CLEC4A: variants seen among roughly 807,000 people sequenced by gnomAD.
CLEC4A encodes C-type lectin domain family 4 member A.
CLEC4A carries 27 observed loss-of-function variants against 32.7 expected under a neutral mutation model. The ratio of observed to expected loss-of-function variants is 0.83; its 90% confidence interval spans 0.61 to 1.14. The LOEUF (loss-of-function observed/expected upper bound fraction) is 1.14. Among genes scored for constraint, CLEC4A ranks in the 50% most tolerant of loss-of-function variants. The pLI, the probability that CLEC4A is intolerant of heterozygous loss-of-function variation, is 0.00. For synonymous variants in CLEC4A, 89 were observed against 93.7 expected (o/e 0.95, Z 0.29); for missense variants, 253 against 274.6 (o/e 0.92, Z 0.55).
At chr12:8,124,011 GA>G (rs774082428) in intron 1 of CLEC4A, 51 bp downstream of exon 1, 1 of 1,222,826 alleles carries the variant, frequency 8.2e-7, no homozygotes, top group Non-Finnish European at 1.2e-6. Flanking sequence ...GAAGGATGAG[GA>G]GAGGGTTTAT....
At chr12:8,109,700 G>T in the CLEC4A span, among the ~76,000 whole-genome samples, 8 of 152,152 alleles carry the variant, frequency 5.3e-5, no homozygotes, top group Non-Finnish European at 1.2e-4. Context: ...TGGGGTGACA[G>T]AGTGAGACAC....
chr12:8,136,466 G>A (rs1231304542), intron 4 of CLEC4A, among the ~76,000 whole-genome samples: 1 of 151,312 alleles, frequency 6.6e-6, no homozygotes, highest in Non-Finnish European at 1.5e-5. Context: ...TGGGGAGGCT[G>A]AGGCATGAGA....
the CLEC4A span, among the ~76,000 whole-genome samples, chr12:8,114,435 G>C: frequency 5.9e-5 from 9 of 151,956 alleles, no homozygotes; most frequent in East Asian, 1.9e-4. Context: ...TAGTAGAGAC[G>C]GGGTTTCACC....
the CLEC4A span, among the ~76,000 whole-genome samples, chr12:8,110,190 T>G: frequency 1.1e-4 from 16 of 152,236 alleles, no homozygotes; most frequent in South Asian, 2.7e-3. Context: ...CACTCAATCT[T>G]CACACAAACC....
intron 2 of CLEC4A, among the ~76,000 whole-genome samples, chr12:8,128,769 A>C (rs753343629): frequency 1.3e-5 from 2 of 152,292 alleles, no homozygotes; most frequent in South Asian, 4.1e-4. Flanking sequence ...TGGTGTGCTG[A>C]GGAGTAAGAG....
chr12:8,113,504 T>C, the CLEC4A span, among the ~76,000 whole-genome samples: 2 of 152,208 alleles, frequency 1.3e-5, no homozygotes, highest in East Asian at 3.8e-4. Context: ...AAATTAGCAA[T>C]GTACTTGAAG....
Position 8,123,699 on chromosome 12 carries a change from T to C in CLEC4A, c.-180T>C. Reference sequence around the variant, plus strand: ...GAACTGCGGTTTTTAGTTTTTATTGTGGTTCTTAGTTCTCATGAGACCCCT... The same window carrying C: ...GAACTGCGGTTTTTAGTTTTTATTGCGGTTCTTAGTTCTCATGAGACCCCT... On this transcript the variant is annotated 5_prime_UTR_variant, in exon 1 of 6. Coordinates refer to ENST00000229332, the MANE Select transcript of CLEC4A (RefSeq NM_016184.4). 2 of 558,684 alleles carry C rather than the reference T, an allele frequency of 3.6e-6. No homozygotes were observed. Among genetic ancestry groups the C allele is most frequent in the South Asian group, 4.5e-5 (2 of 44,074 alleles). 34.6% of individuals were successfully genotyped at this position (558,684 alleles called of 1,614,324 possible).
intron 2 of CLEC4A, among the ~76,000 whole-genome samples, chr12:8,127,317 C>T (rs1947917725): frequency 6.6e-6 from 1 of 152,196 alleles, no homozygotes. Flanking sequence ...TAAGCAAGGC[C>T]TTTTGAAATC....
chr12:8,120,541 A>G (rs74591280), upstream of CLEC4A, among the ~76,000 whole-genome samples: 2,021 of 152,340 alleles, frequency 0.013, 47 homozygotes, highest in African/African-American at 0.047. Context: ...GTGAAGGCAC[A>G]CTGTCAGCCT....
chr12:8,134,008 G>GAT, intron 3 of CLEC4A: 1 of 1,605,738 alleles, frequency 6.2e-7, no homozygotes, highest in African/African-American at 1.3e-5. Flanking sequence ...TGCCCTTCTG[G>GAT]CGCCGGTTAC....
chr12:8,111,340 C>T, the CLEC4A span, among the ~76,000 whole-genome samples: 47 of 151,890 alleles, frequency 3.1e-4, no homozygotes, highest in African/African-American at 7.2e-4. Flanking sequence ...CCACCACCTC[C>T]GGCTAATTTT....
intron 3 of CLEC4A, among the ~76,000 whole-genome samples, chr12:8,130,216 T>A (rs1433050661): frequency 2.0e-5 from 3 of 152,250 alleles, no homozygotes; most frequent in Non-Finnish European, 2.9e-5. Flanking sequence ...AAGGTTACAT[T>A]GCTTTTAGAC....
At chr12:8,134,641 C>A (rs759067939) in intron 3 of CLEC4A, 44 of 1,606,634 alleles carry the variant, frequency 2.7e-5, no homozygotes, top group African/African-American at 4.0e-5. Context: ...GCCATCCCCC[C>A]GCAGAACTCA....
In CLEC4A at chr12:8,135,180, C is replaced by A. The variant is rs1392722974; in HGVS notation, c.299-405C>A. On this transcript the variant is annotated intron_variant, in intron 3 of 5. Coordinates refer to ENST00000229332, the MANE Select transcript of CLEC4A (RefSeq NM_016184.4). Reference sequence around the variant, plus strand: ...GGATTACAGATGTGAGCCACCGTGCCCGGCCCCATTTTTGTTGTCTTGATT... The same window carrying A: ...GGATTACAGATGTGAGCCACCGTGCACGGCCCCATTTTTGTTGTCTTGATT... Among the ~76,000 whole-genome samples, 15 of 145,434 alleles carry A rather than the reference C, an allele frequency of 1.0e-4. No homozygotes were observed. The Admixed American group carries it at 1.1e-3, about 10-fold the overall frequency.
chr12:8,138,395 G>T lies in CLEC4A; in HGVS notation c.*108G>T. The T allele has an allele frequency of 7.7e-7, 1 of 1,294,394 alleles. No homozygotes were observed. The highest frequency in any genetic ancestry group is 1.1e-6 in the Non-Finnish European group (1 of 925,332). 80.2% of individuals were successfully genotyped at this position (1,294,394 alleles called of 1,614,324 possible). ...AAGGGAGGTCCATAGAATTTAGGTG[G>T]TCTGTCAACTATTCTACTTATGAGA... On this transcript the variant is annotated 3_prime_UTR_variant, in exon 6 of 6. Coordinates refer to ENST00000229332, the MANE Select transcript of CLEC4A (RefSeq NM_016184.4).
rs1282311135 is a variant in CLEC4A, at chr12:8,125,681, A to T, written c.199+4A>T. On this transcript the variant is annotated splice_donor_region_variant and intron_variant, in intron 2 of 5. Transcript: ENST00000229332. ...TCATTCTTTATTGCTTTTGTCAGTA[A>T]GTATGCCAACTGAACCAATAAGCAA... The T allele has an allele frequency of 6.5e-7, 1 of 1,536,156 alleles. No individual in the cohort carries two copies. Among genetic ancestry groups the T allele is most frequent in the Non-Finnish European group, 9.0e-7 (1 of 1,109,126 alleles).
intron 3 of CLEC4A, among the ~76,000 whole-genome samples, chr12:8,132,319 C>G (rs186728717): frequency 7.2e-5 from 11 of 152,090 alleles, no homozygotes; most frequent in Non-Finnish European, 1.3e-4. Context: ...GAATAGTGTC[C>G]TATGAAATTT....
chr12:8,132,233 G>A (rs979787803), intron 3 of CLEC4A, among the ~76,000 whole-genome samples: 3 of 152,278 alleles, frequency 2.0e-5, no homozygotes, highest in Non-Finnish European at 4.4e-5. Context: ...AAATGCTTGA[G>A]ACTCACATTG....
At chr12:8,134,986 G>GTTTGTTTTTTTTTTT (rs1555080238) in intron 3 of CLEC4A, 8 of 138,856 alleles carry the variant, frequency 5.8e-5, no homozygotes, top group Admixed American at 2.4e-4. Flanking sequence ...TTTGTTTTTT[G>GTTTGTTTTTTTTTTT]TTTTTTTTTA....
Sources: allele counts gnomAD v4.1 joint callset (sites outside exome capture counted in the v4.1 genomes callset), GRCh38; gene constraint gnomAD v4.1.1; transcripts MANE v1.5; gene names NCBI Gene and HGNC (gene_info 2026-07-23, HGNC 2026-07-21).